LOC400499: variants seen among roughly 807,000 people sequenced by gnomAD.
At chr16:11,456,894 T>C in the LOC400499 span, 2 of 1,536,228 alleles carry the variant, frequency 1.3e-6, no homozygotes, top group Non-Finnish European at 1.7e-6. Context: ...AGATGTGTCC[T>C]TCCACTGCCC....
At chr16:11,512,682 T>G in the LOC400499 span, among the ~76,000 whole-genome samples, 1 of 152,174 alleles carries the variant, frequency 6.6e-6, no homozygotes, top group African/African-American at 2.4e-5. Context: ...ACCACTGAAG[T>G]GTACACTTTA....
the LOC400499 span, chr16:11,478,465 T>C: frequency 7.5e-6 from 3 of 398,614 alleles, no homozygotes; most frequent in African/African-American, 6.2e-5. Flanking sequence ...CCAAATTTCA[T>C]GCCCTTAAGT....
At chr16:11,438,151 A>G in the LOC400499 span, among the ~76,000 whole-genome samples, 1 of 152,162 alleles carries the variant, frequency 6.6e-6, no homozygotes, top group Non-Finnish European at 1.5e-5. Context: ...TAATCCACAA[A>G]GAGGGTTTAG....
At chr16:11,489,436 A>T in the LOC400499 span, among the ~76,000 whole-genome samples, 5 of 152,226 alleles carry the variant, frequency 3.3e-5, no homozygotes, top group Non-Finnish European at 7.3e-5. Context: ...ACAAAAGGTG[A>T]CATGTGACCC....
the LOC400499 span, among the ~76,000 whole-genome samples, chr16:11,451,109 G>A: frequency 6.6e-6 from 1 of 152,180 alleles, no homozygotes; most frequent in East Asian, 1.9e-4. Flanking sequence ...GGAGTGAGAG[G>A]TATCCATGTC....
the LOC400499 span, among the ~76,000 whole-genome samples, chr16:11,383,128 C>T: frequency 5.3e-5 from 8 of 151,526 alleles, no homozygotes; most frequent in East Asian, 2.0e-4. Context: ...TGCAGTGGTG[C>T]AGTCTCAGCT....
the LOC400499 span, chr16:11,476,660 G>A: frequency 6.7e-5 from 18 of 269,508 alleles, no homozygotes; most frequent in Middle Eastern, 7.4e-4. Context: ...ACACGCAGAC[G>A]TGATCACACA....
the LOC400499 span, among the ~76,000 whole-genome samples, chr16:11,420,730 C>T: frequency 5.2e-4 from 79 of 151,938 alleles, no homozygotes; most frequent in African/African-American, 1.8e-3. Flanking sequence ...TCCCCTGCAA[C>T]CCAAAGAATG....
the LOC400499 span, among the ~76,000 whole-genome samples, chr16:11,427,768 T>C: frequency 4.4e-4 from 67 of 152,276 alleles, no homozygotes; most frequent in Non-Finnish European, 8.1e-4. Flanking sequence ...TTTCTTTTTA[T>C]GTAAATTTTA....
At chr16:11,459,053 A>AAAAT in the LOC400499 span, among the ~76,000 whole-genome samples, 15 of 151,876 alleles carry the variant, frequency 9.9e-5, no homozygotes, top group African/African-American at 2.4e-4. Flanking sequence ...AATAAAAAAT[A>AAAAT]AAATAAATAA....
At chr16:11,404,962 T>C in the LOC400499 span, 3 of 397,984 alleles carry the variant, frequency 7.5e-6, no homozygotes, top group Non-Finnish European at 1.3e-5. Context: ...AAAGGGAATA[T>C]TTGTGGATCA....
At chr16:11,449,894 C>T in the LOC400499 span, among the ~76,000 whole-genome samples, 7 of 152,260 alleles carry the variant, frequency 4.6e-5, no homozygotes, top group Non-Finnish European at 7.3e-5. Flanking sequence ...ACCTCCACTG[C>T]CACCACCCCG....
the LOC400499 span, chr16:11,383,869 G>C: frequency 8.1e-7 from 1 of 1,232,174 alleles, no homozygotes; most frequent in Non-Finnish European, 1.0e-6. Flanking sequence ...CACCCCATGG[G>C]CCAGGCTCAC....
chr16:11,442,827 C>A, the LOC400499 span, among the ~76,000 whole-genome samples: 1 of 152,160 alleles, frequency 6.6e-6, no homozygotes, highest in African/African-American at 2.4e-5. Flanking sequence ...CAAACACCAT[C>A]GGGAGCCACT....
At chr16:11,516,630 G>C in the LOC400499 span, among the ~76,000 whole-genome samples, 1 of 152,190 alleles carries the variant, frequency 6.6e-6, no homozygotes, top group African/African-American at 2.4e-5. Flanking sequence ...AGGAGCTGAA[G>C]GCATTCTGGA....
the LOC400499 span, among the ~76,000 whole-genome samples, chr16:11,483,909 A>C: frequency 6.6e-6 from 1 of 151,416 alleles, no homozygotes; most frequent in East Asian, 1.9e-4. Flanking sequence ...AATTTACATA[A>C]TATTCTAGAA....
chr16:11,387,411 C>T, the LOC400499 span: 2 of 834,122 alleles, frequency 2.4e-6, no homozygotes, highest in South Asian at 6.3e-5. Context: ...CATGAGGGTG[C>T]CTTTCAGGGA....
At chr16:11,409,150 A>C in the LOC400499 span, among the ~76,000 whole-genome samples, 1 of 151,906 alleles carries the variant, frequency 6.6e-6, no homozygotes, top group African/African-American at 2.4e-5. Context: ...AATCCCAGCT[A>C]CTCAGGAGGC....
chr16:11,427,374 A>T, the LOC400499 span, among the ~76,000 whole-genome samples: 2 of 142,948 alleles, frequency 1.4e-5, no homozygotes, highest in African/African-American at 2.8e-5. Context: ...AAAAAAAAAA[A>T]AAAAGTGCTC....
Sources: allele counts gnomAD v4.1 joint callset (sites outside exome capture counted in the v4.1 genomes callset), GRCh38; gene constraint gnomAD v4.1.1; transcripts MANE v1.5.